Variants in RGS7 observed in about 807,000 individuals in gnomAD.
The protein encoded by RGS7 is regulator of G-protein signaling 7.
In RGS7, 27 loss-of-function variants were observed where a neutral mutation model predicts 81.1. That is an observed-to-expected ratio of 0.33 (90% CI 0.25 to 0.46). The LOEUF (loss-of-function observed/expected upper bound fraction) is 0.46, where lower values mean the gene tolerates loss of function less well. RGS7 is among the 20% of genes least tolerant of loss of function. The pLI is 1.00. For missense variants in RGS7, 396 were observed against 607.4 expected (o/e 0.65, Z 3.66); for synonymous variants, 208 against 207.7 (o/e 1.00, Z -0.01).
chr1:240,893,547 T>G (rs1668587939), intron 6 of RGS7, among the ~76,000 whole-genome samples: 1 of 152,090 alleles, frequency 6.6e-6, no homozygotes, highest in African/African-American at 2.4e-5. Context: ...TCCTTCTATT[T>G]GAAATGAGAG....
In RGS7 at chr1:241,144,172, TCAAA is replaced by T. The variant is rs2068124723; in HGVS notation, c.79-45414_79-45411del. Among the ~76,000 whole-genome samples the T allele has an allele frequency of 6.6e-6, 1 of 152,114 alleles. No homozygotes were observed. The highest frequency in any genetic ancestry group is 1.5e-5 in the Non-Finnish European group (1 of 68,010). ...CATATATATATATATATGAGCATTT[TCAAA>T]CAGAGTACTTCTGGAAGCTGAACAA... On this transcript the variant is annotated intron_variant, in intron 2 of 18. Coordinates refer to ENST00000440928, the MANE Select transcript of RGS7 (RefSeq NM_001364886.1). The surrounding 1 kb of genome is among the most constrained non-coding windows in gnomAD (Gnocchi z 4.7).
chr1:241,320,059 C>G (rs1169289752), intron 2 of RGS7, among the ~76,000 whole-genome samples: 1 of 152,116 alleles, frequency 6.6e-6, no homozygotes, highest in Non-Finnish European at 1.5e-5. Context: ...CCACTGCACT[C>G]CAGCCTGGGC....
chr1:241,193,534 T>G (rs765766007), intron 2 of RGS7, among the ~76,000 whole-genome samples: 10 of 152,212 alleles, frequency 6.6e-5, no homozygotes, highest in African/African-American at 9.6e-5. Context: ...AACACCACAT[T>G]TGGATATAGT....
At chr1:241,165,609 A>T (rs1424139435) in intron 2 of RGS7, among the ~76,000 whole-genome samples, 1 of 130,220 alleles carries the variant, frequency 7.7e-6, no homozygotes, top group Non-Finnish European at 1.6e-5. Flanking sequence ...GAAGGGGAAC[A>T]TCACACTCTG....
intron 9 of RGS7, among the ~76,000 whole-genome samples, chr1:240,841,019 C>T (rs1189773050): frequency 6.6e-6 from 1 of 152,148 alleles, no homozygotes; most frequent in Non-Finnish European, 1.5e-5. Flanking sequence ...CTGATCATCA[C>T]CTCTCATTAT....
intron 9 of RGS7, among the ~76,000 whole-genome samples, chr1:240,846,008 T>C (rs1659015923): frequency 6.6e-6 from 1 of 152,164 alleles, no homozygotes; most frequent in African/African-American, 2.4e-5. Flanking sequence ...CAGTATGTAT[T>C]TAATGTCATC....
chr1:241,008,810 G>A (rs921066610), intron 3 of RGS7, among the ~76,000 whole-genome samples: 18 of 149,228 alleles, frequency 1.2e-4, no homozygotes, highest in Admixed American at 2.0e-4. Context: ...TACTTAGTAC[G>A]TTGAGGCAGG....
Position 241,158,066 on chromosome 1 carries a change from G to A in RGS7, c.79-59304C>T, listed in dbSNP as rs549833905. On this transcript the variant is annotated intron_variant, in intron 2 of 18. Coordinates refer to ENST00000440928, the MANE Select transcript of RGS7 (RefSeq NM_001364886.1). ...CATCTCCTGACCTTATGATCCGCCC[G>A]CCTCAGTCTCCCAAAGTGCTGGAAT... Among the ~76,000 whole-genome samples, 5 of 151,698 alleles carry A rather than the reference G, an allele frequency of 3.3e-5. No individual in the cohort carries two copies. The East Asian group carries it at 5.8e-4, about 18-fold the overall frequency.
intron 7 of RGS7, among the ~76,000 whole-genome samples, chr1:240,869,243 T>A (rs1192800407): frequency 5.9e-5 from 9 of 152,160 alleles, no homozygotes; most frequent in Non-Finnish European, 1.3e-4. Flanking sequence ...ATCAGCCTAT[T>A]CAGTTCCTGA....
chr1:241,323,242 T>C lies in RGS7; in HGVS notation c.78+32457A>G, dbSNP rs537910990. ...TTTTGTGGCTATAAGTGCCAATGAA[T>C]ATATCAAGTTCTAAATAATATGCAA... On this transcript the variant is annotated intron_variant, in intron 2 of 18. Transcript: ENST00000440928. 2.6e-5 allele frequency among the ~76,000 whole-genome samples: 4 copies of C among 152,382 alleles called. No homozygotes were observed. In the East Asian group the frequency reaches 7.7e-4, roughly 29 times the overall value.
At chr1:241,158,684 C>G (rs929824726) in intron 2 of RGS7, among the ~76,000 whole-genome samples, 2 of 152,172 alleles carry the variant, frequency 1.3e-5, no homozygotes, top group African/African-American at 4.8e-5. Flanking sequence ...CTGCCCCAAA[C>G]TCAGGTAGAA....
chr1:240,930,653 G>A (rs1164987061), intron 6 of RGS7, 64 bp downstream of exon 6: 64 of 1,431,824 alleles, frequency 4.5e-5, no homozygotes, highest in Middle Eastern at 1.7e-4. Context: ...GCAATAAAAC[G>A]CAAGTACACA....
chr1:240,812,180 T>C, intron 13 of RGS7, 137 bp from the exon 14 acceptor site: 1 of 835,152 alleles, frequency 1.2e-6, no homozygotes, highest in South Asian at 1.5e-5. Flanking sequence ...ATATATCCGA[T>C]TAACGGCTCT....
At chr1:241,029,511 G>T (rs2059962367) in intron 3 of RGS7, among the ~76,000 whole-genome samples, 1 of 152,180 alleles carries the variant, frequency 6.6e-6, no homozygotes. Flanking sequence ...CCTTTGAGCA[G>T]AATATTCTGG....
At position 240,793,776 on chromosome 1, in the gene RGS7, A is replaced by AT. The variant is rs1003695496; in HGVS notation, c.*6+6864dup. 1.2e-4 allele frequency among the ~76,000 whole-genome samples: 18 copies of AT among 149,434 alleles called. No individual in the cohort carries two copies. The East Asian group carries it at 1.8e-3, about 15-fold the overall frequency. Reference sequence around the variant, plus strand: ...AGGTGTCCGCCACCATGGCCAGTTAATTTTTTTTTGTATTGTTAGTAGAGA... The same window carrying AT: ...AGGTGTCCGCCACCATGGCCAGTTAATTTTTTTTTTGTATTGTTAGTAGAGA... On this transcript the variant is annotated intron_variant, in intron 18 of 18. Transcript: ENST00000440928.
rs142198054 is a variant in RGS7, at chr1:240,868,039, AAAAG to A, written c.609+544_609+547del. 6.3e-3 allele frequency among the ~76,000 whole-genome samples: 957 copies of A among 150,844 alleles called. 6 individuals are homozygous for A. Among genetic ancestry groups the A allele is most frequent in the Non-Finnish European group, 8.9e-3 (601 of 67,738 alleles). On this transcript the variant is annotated intron_variant, in intron 9 of 18. Transcript: ENST00000440928. This position sits in a 1 kb window ranked among gnomAD's most constrained non-coding sequence, Gnocchi z 5.1. ...AGAAAGAAAGAAAAGAAAAGAAGAG[AAAAG>A]AAAGAAAGAAAGAAAGAAAAGAAGA...
At chr1:241,195,865 G>T (rs1483475848) in intron 2 of RGS7, among the ~76,000 whole-genome samples, 1 of 151,990 alleles carries the variant, frequency 6.6e-6, no homozygotes, top group African/African-American at 2.4e-5. Flanking sequence ...ACAATGAAAA[G>T]ATCTAATACA....
intron 9 of RGS7, among the ~76,000 whole-genome samples, chr1:240,850,791 A>G (rs946895566): frequency 1.3e-5 from 2 of 152,208 alleles, no homozygotes; most frequent in African/African-American, 4.8e-5. Context: ...CTTACTGTTG[A>G]TAGGAAGAGG....
intron 4 of RGS7, among the ~76,000 whole-genome samples, chr1:240,978,603 G>C (rs955444444): frequency 6.6e-5 from 10 of 152,076 alleles, no homozygotes; most frequent in African/African-American, 2.4e-4. Flanking sequence ...AGAAGGGAGA[G>C]AGAAAGCTAA....
Sources: gnomAD v4.1 joint callset for allele counts (sites outside exome capture counted in the v4.1 genomes callset) on GRCh38, gnomAD v4.1.1 for gene constraint, Gnocchi (gnomAD v3.1) non-coding constraint, MANE v1.5 for transcripts, NCBI Gene and HGNC (gene_info 2026-07-23, HGNC 2026-07-21) for gene names.